Variants in NCLN observed in about 807,000 individuals in gnomAD.
NCLN encodes nicalin, also known as BOS complex subunit NCLN.
A neutral mutation model predicts 69.5 loss-of-function variants in NCLN; 34 were observed. That is an observed-to-expected ratio of 0.49 (90% CI 0.37 to 0.65). The LOEUF is 0.65. NCLN is among the 30% of genes least tolerant of loss of function. NCLN has a pLI of 0.00. For synonymous variants in NCLN, 393 were observed against 358.3 expected, an observed-to-expected ratio of 1.10 and a Z score of -1.09; for missense variants, 710 against 804.8, an observed-to-expected ratio of 0.88 and a Z score of 1.42.
intron 3 of NCLN, among the ~76,000 whole-genome samples, chr19:3,195,072 G>C (rs1339415761): frequency 6.6e-6 from 1 of 151,682 alleles, no homozygotes; most frequent in African/African-American, 2.4e-5. Context: ...TGCTCAGGAG[G>C]CTGAGGTGGG....
chr19:3,199,460 C>G lies in NCLN; in HGVS notation c.696+563C>G, dbSNP rs551610589. On this transcript the variant is annotated intron_variant, in intron 5 of 14. Transcript: ENST00000246117. ...GGTTCTACAGCCCCTGCTGCCTGGC[C>G]CATGCCGGGATTCCAGACTCCGGAG... Among the ~76,000 whole-genome samples the G allele has an allele frequency of 4.8e-3, 728 of 152,304 alleles. 4 individuals are homozygous for G. The highest frequency in any genetic ancestry group is 5.6e-3 in the Non-Finnish European group (384 of 68,028).
chr19:3,206,509 CT>C lies in NCLN; in HGVS notation c.1499+85del, dbSNP rs1246771546. The stretch of plus-strand genomic sequence containing the variant: ...TACTGCATCTCCCACCCCCTCACCC[CT>C]GGGGGATGCCAGGTGGAGCAAATAC... On this transcript the variant is annotated intron_variant, in intron 12 of 14. Transcript: ENST00000246117. The C allele has an allele frequency of 7.0e-6, 10 of 1,423,124 alleles. No homozygotes were observed. The African/African-American group carries it at 1.4e-4, about 20-fold the overall frequency. The allele number at this position is 1,423,124 out of a possible 1,614,324, so 88.2% of individuals were successfully genotyped here.
chr19:3,204,811 G>C, intron 9 of NCLN, 60 bp downstream of exon 9: 1 of 1,374,342 alleles, frequency 7.3e-7, no homozygotes, highest in Non-Finnish European at 9.4e-7. Flanking sequence ...TGAGCCACTG[G>C]TCGCAACTGC....
rs869156808 is a variant in NCLN, at chr19:3,198,530, CAAAA to C, written c.616-278_616-275del. ...TCAAAAAAAAAAAAAAAAACACAAACAAAAAAAAAAAACTTATTCTCCTGCTCTC... is the reference window on the plus strand; with the variant it reads ...TCAAAAAAAAAAAAAAAAACACAAACAAAAAAAACTTATTCTCCTGCTCTC... On this transcript the variant is annotated intron_variant, in intron 4 of 14. Coordinates refer to ENST00000246117, the MANE Select transcript of NCLN (RefSeq NM_020170.4). Among the ~76,000 whole-genome samples the C allele has an allele frequency of 4.3e-3, 612 of 143,428 alleles. 13 individuals carry two copies. Among genetic ancestry groups the C allele is most frequent in the African/African-American group, 0.015 (576 of 39,080 alleles). The allele number at this position is 143,428 out of a possible 152,430, so 94.1% of individuals were successfully genotyped here. A position where few individuals can be genotyped will look rare whatever the true frequency, so the allele number is the denominator to read the frequency against.
At chr19:3,194,064 C>T (rs910915667) in intron 3 of NCLN, among the ~76,000 whole-genome samples, 4 of 152,208 alleles carry the variant, frequency 2.6e-5, no homozygotes, top group African/African-American at 9.7e-5. Flanking sequence ...CCCAGGGCCG[C>T]AGAGAACAGG....
In NCLN at chr19:3,204,586, A is replaced by T. The variant is rs777847564; in HGVS notation, c.1043A>T (p.Gln348Leu). ...LRELETVAAH[Q>L]FPEVRFSMVH... is the part of the protein sequence containing the mutation. Reference sequence around the variant, plus strand: ...CTCCGGCTGCAGGTGGCCGCGCACCAGTTCCCTGAGGTACGGTTCTCCATG... The same window carrying T: ...CTCCGGCTGCAGGTGGCCGCGCACCTGTTCCCTGAGGTACGGTTCTCCATG... Residue 348 changes from glutamine (Q) to leucine (L), a missense_variant, in exon 9 of 15, where the codon CAG becomes CTG. By Grantham distance (113) the Gln-to-Leu change is moderately radical (BLOSUM62 -2). Coordinates refer to ENST00000246117, the MANE Select transcript of NCLN (RefSeq NM_020170.4). 3.9e-6 allele frequency: 6 copies of T among 1,549,470 alleles called. No individual in the cohort carries two copies. The highest frequency in any genetic ancestry group is 5.2e-6 in the Non-Finnish European group (6 of 1,147,254).
intron 1 of NCLN, among the ~76,000 whole-genome samples, chr19:3,190,302 G>T (rs1212988447): frequency 6.6e-6 from 1 of 152,132 alleles, no homozygotes; most frequent in Non-Finnish European, 1.5e-5. Flanking sequence ...CTGGGCCTGG[G>T]GTGCGTGGGC....
rs913755451 is a variant in NCLN at position 3,206,424 on chromosome 19, C to T, written c.1498C>T (p.Arg500Trp). Reference protein sequence around the residue: ...VKQHHVKADKRDPEFVFYDQL... With the variant: ...VKQHHVKADKWDPEFVFYDQL... ...GCAGCACCACGTCAAGGCTGACAAG[C>T]GGTGAGGCTGGGGCTCCGCGCTGGC... is the stretch of plus-strand genomic sequence containing the variant. Residue 500 changes from arginine to tryptophan, a missense_variant and splice_region_variant, in exon 12 of 15, where the codon CGG (arginine) becomes TGG (tryptophan). Coordinates refer to ENST00000246117, the MANE Select transcript of NCLN (RefSeq NM_020170.4). The T allele has an allele frequency of 7.1e-6, 11 of 1,545,614 alleles. No individual in the cohort carries two copies. The highest frequency in any genetic ancestry group is 2.0e-5 in the Admixed American group (1 of 50,838).
At chr19:3,202,594 C>T (rs1000170373) in intron 6 of NCLN, among the ~76,000 whole-genome samples, 4 of 152,192 alleles carry the variant, frequency 2.6e-5, no homozygotes, top group African/African-American at 4.8e-5. Context: ...GTGGCTGAGA[C>T]GTTTCTCAGC....
chr19:3,195,862 C>G (rs1467890029), intron 3 of NCLN, among the ~76,000 whole-genome samples: 1 of 152,180 alleles, frequency 6.6e-6, no homozygotes, highest in African/African-American at 2.4e-5. Flanking sequence ...TGTGTGAACT[C>G]ACAGGCATTT....
chr19:3,198,534 A>C (rs4806916), intron 4 of NCLN, among the ~76,000 whole-genome samples: 59,068 of 149,592 alleles, frequency 0.39, 11,767 homozygotes, highest in East Asian at 0.49. Context: ...CACAAACAAA[A>C]AAAAAAAACT....
intron 14 of NCLN, 63 bp from the exon 15 acceptor site, chr19:3,207,566 G>T: frequency 1.9e-6 from 3 of 1,609,600 alleles, no homozygotes; most frequent in Non-Finnish European, 2.5e-6. Flanking sequence ...GCTCAGCCTA[G>T]AGTCACATGA....
At position 3,207,629 on chromosome 19, in the gene NCLN, C is replaced by T. The variant is rs756809705; in HGVS notation, c.1633C>T (p.His545Tyr). Residue 545 changes from histidine (H) to tyrosine (Y), a missense_variant and splice_region_variant, in exon 15 of 15, where the codon CAC (histidine) becomes TAC (tyrosine). Physicochemically the swap from His to Tyr is moderately conservative, Grantham distance 83 (BLOSUM62 2). Transcript: ENST00000246117. The stretch of plus-strand genomic sequence containing the variant: ...TCACTCCCTCCTGCTGTGTCCCCAG[C>T]ACTTCAGCCTCCTCTACAAGACCGT... ...YLGMAYVAVQHFSLLYKTVQR... is the reference protein window; with the variant it reads ...YLGMAYVAVQYFSLLYKTVQR... 1.2e-6 allele frequency: 2 copies of T among 1,612,978 alleles called. No individual in the cohort carries two copies. The highest frequency in any genetic ancestry group is 1.7e-6 in the Non-Finnish European group (2 of 1,179,876).
chr19:3,186,179 G>C lies in NCLN; in HGVS notation c.149G>C (p.Arg50Pro), dbSNP rs1291809887. ...ADAAHEFTVY[R>P]MQQYDLQGQP... ...GCCGCGCACGAGTTCACCGTGTACC[G>C]CATGCAGCAGTACGACCTGCAGGGC... Residue 50 changes from arginine to proline, a missense_variant, in exon 1 of 15, where the codon CGC becomes CCC. Coordinates refer to ENST00000246117, the MANE Select transcript of NCLN (RefSeq NM_020170.4). 18 of 1,586,330 alleles carry C rather than the reference G, an allele frequency of 1.1e-5. No homozygotes were observed. The highest frequency in any genetic ancestry group is 1.5e-5 in the Non-Finnish European group (17 of 1,169,760).
chr19:3,186,702 C>T (rs1330418716), intron 1 of NCLN, among the ~76,000 whole-genome samples: 1 of 152,188 alleles, frequency 6.6e-6, no homozygotes, highest in Admixed American at 6.5e-5. Flanking sequence ...GGGTCACGTC[C>T]GTGTTCCCAG....
chr19:3,201,322 C>T (rs1402532044), intron 5 of NCLN, among the ~76,000 whole-genome samples: 3 of 152,162 alleles, frequency 2.0e-5, no homozygotes, highest in Non-Finnish European at 2.9e-5. Context: ...AGGAGGGGAG[C>T]GACCACAGCT....
At position 3,205,248 on chromosome 19, in the gene NCLN, C is replaced by T. The variant is rs1342074078; in HGVS notation, c.1208+497C>T. ...GGGCAGGCTTTTGTGGAGCCTGGAA[C>T]TGTCTGGCCACCCCAGGCACACTCC... is the stretch of plus-strand genomic sequence containing the variant. On this transcript the variant is annotated intron_variant, in intron 9 of 14. Coordinates refer to ENST00000246117, the MANE Select transcript of NCLN (RefSeq NM_020170.4). The surrounding 1 kb of genome is among the most constrained non-coding windows in gnomAD (Gnocchi z 4.6). Among the ~76,000 whole-genome samples, 1 of 152,222 alleles carries T rather than the reference C, an allele frequency of 6.6e-6. No homozygotes were observed. The highest frequency in any genetic ancestry group is 1.5e-5 in the Non-Finnish European group (1 of 68,024).
intron 3 of NCLN, among the ~76,000 whole-genome samples, chr19:3,194,744 C>CTTTTTTTTTTTTTTTTTTTT (rs745406038): frequency 7.3e-6 from 1 of 136,490 alleles, no homozygotes; most frequent in Non-Finnish European, 1.6e-5. Context: ...GAGTCGTCTT[C>CTTTTTTTTTTTTTTTTTTTT]TTTTTTTTTT....
intron 5 of NCLN, among the ~76,000 whole-genome samples, chr19:3,199,200 C>T (rs1031778828): frequency 3.3e-5 from 5 of 152,216 alleles, no homozygotes; most frequent in African/African-American, 7.2e-5. Context: ...TGGCTCCACA[C>T]GAGGCCTCCT....
Sources: gnomAD v4.1 joint callset for allele counts (sites outside exome capture counted in the v4.1 genomes callset) on GRCh38, gnomAD v4.1.1 for gene constraint, Gnocchi (gnomAD v3.1) non-coding constraint, MANE v1.5 for transcripts, NCBI Gene and HGNC (gene_info 2026-07-23, HGNC 2026-07-21) for gene names.